The following TTC6 variants were observed in gnomAD, a reference collection of about 807,000 sequenced individuals.
TTC6 encodes tetratricopeptide repeat domain 6, also known as tetratricopeptide repeat protein 6.
TTC6 carries 172 observed loss-of-function variants against 210.4 expected under a neutral mutation model. That is an observed-to-expected ratio of 0.82 (90% CI 0.72 to 0.93). TTC6 has a LOEUF of 0.93. TTC6 is among the 40% of genes least tolerant of loss of function. The pLI is 0.00. For missense variants in TTC6, 2,414 were observed against 2,318.1 expected, an observed-to-expected ratio of 1.04 and a Z score of -0.85; for synonymous variants, 804 against 819.6, an observed-to-expected ratio of 0.98 and a Z score of 0.32.
At chr14:37,658,697 A>C (rs577300035) in intron 1 of TTC6, among the ~76,000 whole-genome samples, 2 of 152,206 alleles carry the variant, frequency 1.3e-5, no homozygotes, top group African/African-American at 4.8e-5. Context: ...AGCAAAAACT[A>C]CATTTACACA....
chr14:37,832,644 T>A (rs141774113), intron 29 of TTC6, among the ~76,000 whole-genome samples: 1 of 152,204 alleles, frequency 6.6e-6, no homozygotes, highest in African/African-American at 2.4e-5. Context: ...TTGTTGTTGA[T>A]GTTTTATTCC....
At position 37,777,158 on chromosome 14, in the gene TTC6, G is replaced by A. The variant is rs1008100700; in HGVS notation, c.3267-10310G>A. Among the ~76,000 whole-genome samples, 10 of 152,164 alleles carry A rather than the reference G, an allele frequency of 6.6e-5. No homozygotes were observed. In the South Asian group the frequency reaches 8.3e-4, roughly 13 times the overall value. The stretch of plus-strand genomic sequence containing the variant: ...ATGTTGGCCTTTCTAGCAAAGTTGG[G>A]GAGATTTTCATGGATGATATACTGA... On this transcript the variant is annotated intron_variant, in intron 14 of 30. Coordinates refer to ENST00000553443, the Ensembl canonical transcript of TTC6.
chr14:37,731,188 G>C (rs2095885096), intron 7 of TTC6, among the ~76,000 whole-genome samples: 1 of 152,132 alleles, frequency 6.6e-6, no homozygotes, highest in Non-Finnish European at 1.5e-5. Context: ...TGCTTTATGG[G>C]CTTTTCTGTT....
At chr14:37,746,420 A>C (rs1238609218) in intron 10 of TTC6, among the ~76,000 whole-genome samples, 2 of 152,184 alleles carry the variant, frequency 1.3e-5, no homozygotes, top group Non-Finnish European at 2.9e-5. Flanking sequence ...TAATCCATGC[A>C]TGAGTGTTAC....
intron 29 of TTC6, among the ~76,000 whole-genome samples, chr14:37,833,453 T>C (rs1425451899): frequency 2.6e-5 from 4 of 152,188 alleles, no homozygotes; most frequent in African/African-American, 9.7e-5. Flanking sequence ...TTGTAGGAAA[T>C]ATCTTTTTAC....
chr14:37,772,025 C>G (rs1448896586), intron 14 of TTC6, among the ~76,000 whole-genome samples: 1 of 152,102 alleles, frequency 6.6e-6, no homozygotes, highest in Non-Finnish European at 1.5e-5. Flanking sequence ...TTCTAACGGA[C>G]AGGACCCTCA....
exon 15 of TTC6, chr14:37,787,475 C>G: frequency 6.6e-7 from 1 of 1,518,344 alleles, no homozygotes; most frequent in Non-Finnish European, 8.8e-7. Context: ...TAGGACATAC[C>G]GAGGGATTGC....
At chr14:37,721,854 A>ATATATATATATATATATATATATG (rs2095862424) in intron 6 of TTC6, among the ~76,000 whole-genome samples, 1 of 128,950 alleles carries the variant, frequency 7.8e-6, no homozygotes, top group African/African-American at 3.4e-5. Context: ...CACCATATAT[A>ATATATATATATATATATATATATG]TATATATATA....
At chr14:37,782,997 A>G (rs1018840169) in intron 14 of TTC6, among the ~76,000 whole-genome samples, 1 of 152,200 alleles carries the variant, frequency 6.6e-6, no homozygotes, top group Admixed American at 6.5e-5. Context: ...CATGGTGGAT[A>G]AGCTTTTTGA....
chr14:37,708,504 C>T (rs1446263511), intron 5 of TTC6, among the ~76,000 whole-genome samples: 2 of 151,998 alleles, frequency 1.3e-5, no homozygotes, highest in Non-Finnish European at 2.9e-5. Flanking sequence ...GGGATTCAAG[C>T]CCAGGTCTTT....
intron 17 of TTC6, among the ~76,000 whole-genome samples, chr14:37,794,186 T>C (rs905331179): frequency 1.3e-5 from 2 of 152,122 alleles, no homozygotes; most frequent in Non-Finnish European, 2.9e-5. Flanking sequence ...GACTATATGA[T>C]TTATTAATTA....
intron 2 of TTC6, among the ~76,000 whole-genome samples, chr14:37,612,033 C>T (rs1375833191): frequency 1.3e-5 from 2 of 151,760 alleles, no homozygotes; most frequent in Non-Finnish European, 2.9e-5. Context: ...GAACAAATTG[C>T]TTTTTTCATA....
intron 15 of TTC6, among the ~76,000 whole-genome samples, chr14:37,790,169 C>T (rs1165753251): frequency 6.6e-6 from 1 of 152,056 alleles, no homozygotes; most frequent in Non-Finnish European, 1.5e-5. Context: ...TCAAGCCGTC[C>T]GCCTTACCTC....
intron 2 of TTC6, among the ~76,000 whole-genome samples, chr14:37,610,785 T>A (rs1029175716): frequency 6.6e-6 from 1 of 152,190 alleles, no homozygotes; most frequent in African/African-American, 2.4e-5. Context: ...TGAGTCTACA[T>A]CCATAAGCAC....
chr14:37,644,414 C>T (rs1206632088), intron 1 of TTC6, among the ~76,000 whole-genome samples: 1 of 152,090 alleles, frequency 6.6e-6, no homozygotes, highest in Non-Finnish European at 1.5e-5. Flanking sequence ...TGTATTCTGG[C>T]CAGCAGGAAA....
chr14:37,752,026 T>C (rs1028667040), intron 13 of TTC6, among the ~76,000 whole-genome samples: 1 of 151,876 alleles, frequency 6.6e-6, no homozygotes, highest in African/African-American at 2.4e-5. Flanking sequence ...GGGGTTTCAC[T>C]GTGTTCGCCA....
chr14:37,670,474 C>CCTTTTTTTTTTTTTTTTTTTT (rs532690678), intron 1 of TTC6, among the ~76,000 whole-genome samples: 2 of 121,326 alleles, frequency 1.6e-5, no homozygotes, highest in Non-Finnish European at 3.4e-5. Flanking sequence ...AACTACCTCA[C>CCTTTTTTTTTTTTTTTTTTTT]TTTTTTTTTT....
At chr14:37,813,549 A>T (rs1383920392) in intron 25 of TTC6, among the ~76,000 whole-genome samples, 4 of 152,314 alleles carry the variant, frequency 2.6e-5, no homozygotes, top group Admixed American at 2.6e-4. Context: ...GTTGCTACAC[A>T]CCGGGTCCTC....
At chr14:37,804,556 T>G in intron 20 of TTC6, 124 bp from the exon 23 acceptor site, 1 of 1,272,046 alleles carries the variant, frequency 7.9e-7, no homozygotes, top group Non-Finnish European at 1.1e-6. Context: ...GGTCTGTTTG[T>G]CCCCAGATAA....
Sources: gnomAD v4.1 joint callset for allele counts (sites outside exome capture counted in the v4.1 genomes callset) on GRCh38, gnomAD v4.1.1 for gene constraint, MANE v1.5 for transcripts, NCBI Gene and HGNC (gene_info 2026-07-23, HGNC 2026-07-21) for gene names.